Variants in SPHKAP observed in about 807,000 individuals in gnomAD.
SPHKAP encodes the protein A-kinase anchor protein SPHKAP.
In SPHKAP, 67 loss-of-function variants were observed where a neutral mutation model predicts 137.5. That is an observed-to-expected ratio of 0.49 (90% CI 0.40 to 0.60). The LOEUF (loss-of-function observed/expected upper bound fraction) is 0.60, where lower values mean the gene tolerates loss of function less well. Ranked by LOEUF, SPHKAP falls within the 20% of genes least tolerant of loss-of-function variation. The pLI is 0.00. For synonymous variants in SPHKAP, 813 were observed against 785.3 expected, an observed-to-expected ratio of 1.04 and a Z score of -0.59; for missense variants, 2,097 against 2,069.3, an observed-to-expected ratio of 1.01 and a Z score of -0.26.
chr2:228,021,866 C>T lies in SPHKAP; in HGVS notation c.542G>A (p.Gly181Asp). Reference sequence around the variant, plus strand: ...CTGTCGCTCCTGCACCAGTTCCAGACCAATCAGAAATTTGTTGATTTCAAA... The same window carrying T: ...CTGTCGCTCCTGCACCAGTTCCAGATCAATCAGAAATTTGTTGATTTCAAA... ...IIFEINKFLIGLELVQERQLH... is the reference protein window; with the variant it reads ...IIFEINKFLIDLELVQERQLH... The change falls in exon 6 of 12, where the codon GGT (glycine) becomes GAT (aspartate). Residue 181 changes from glycine to aspartate, a missense_variant. By Grantham distance (94) the Gly-to-Asp change is moderately conservative. Transcript: ENST00000392056. 2 of 1,614,126 alleles carry T rather than the reference C, an allele frequency of 1.2e-6. No homozygotes were observed. Among genetic ancestry groups the T allele is most frequent in the Non-Finnish European group, 1.7e-6 (2 of 1,180,000 alleles).
chr2:228,075,325 C>T (rs1697144477), intron 3 of SPHKAP, among the ~76,000 whole-genome samples: 2 of 152,090 alleles, frequency 1.3e-5, no homozygotes, highest in African/African-American at 4.8e-5. Flanking sequence ...TGTATATGCA[C>T]CTGCCCTTGT....
At chr2:228,064,497 G>A (rs1696761864) in intron 3 of SPHKAP, among the ~76,000 whole-genome samples, 1 of 152,120 alleles carries the variant, frequency 6.6e-6, no homozygotes, top group African/African-American at 2.4e-5. Flanking sequence ...TTTGTATTAT[G>A]TTAAGTATTT....
chr2:228,078,118 C>T (rs1481984026), intron 3 of SPHKAP, among the ~76,000 whole-genome samples: 1 of 152,152 alleles, frequency 6.6e-6, no homozygotes, highest in South Asian at 2.1e-4. Context: ...GTCCAATAAA[C>T]CCTTTTTCCT....
chr2:228,085,085 G>A (rs1697495700), intron 3 of SPHKAP, among the ~76,000 whole-genome samples: 1 of 152,156 alleles, frequency 6.6e-6, no homozygotes, highest in African/African-American at 2.4e-5. Context: ...ATACATAAAG[G>A]CAGAAAAATC....
At chr2:228,113,188 A>ATT (rs11409307) in intron 2 of SPHKAP, among the ~76,000 whole-genome samples, 4 of 151,990 alleles carry the variant, frequency 2.6e-5, no homozygotes, top group East Asian at 1.9e-4. Flanking sequence ...AATAAGATAT[A>ATT]TTTTTCCATA....
intron 1 of SPHKAP, chr2:228,169,694 CA>C (rs1198646600): frequency 1.3e-5 from 2 of 151,972 alleles, no homozygotes; most frequent in East Asian, 3.9e-4. Flanking sequence ...GCCCAAGGAT[CA>C]AGGAGTAATT....
At chr2:228,172,866 C>G (rs548796940) in intron 1 of SPHKAP, 1 of 178,262 alleles carries the variant, frequency 5.6e-6, no homozygotes, top group Admixed American at 6.5e-5. Context: ...AACACTTACA[C>G]TGGAAGAGAC....
At chr2:228,046,406 T>C (rs549256208) in intron 3 of SPHKAP, among the ~76,000 whole-genome samples, 75 of 151,484 alleles carry the variant, frequency 5.0e-4, no homozygotes, top group African/African-American at 1.7e-3. Context: ...CAATGACTTT[T>C]AGGAAAATGG....
At chr2:228,158,947 T>C (rs1031846796) in intron 1 of SPHKAP, among the ~76,000 whole-genome samples, 2 of 152,208 alleles carry the variant, frequency 1.3e-5, no homozygotes, top group Admixed American at 1.3e-4. Flanking sequence ...ATGTCTTGCA[T>C]TCCGTCCCCT....
At chr2:228,101,176 A>G (rs1698172475) in intron 3 of SPHKAP, among the ~76,000 whole-genome samples, 1 of 152,032 alleles carries the variant, frequency 6.6e-6, no homozygotes, top group Admixed American at 6.6e-5. Context: ...CATCATCCCC[A>G]CTTCCTAGCT....
Position 228,018,549 on chromosome 2 carries a change from A to G in SPHKAP, c.2305T>C (p.Ser769Pro). 6 of 1,613,950 alleles carry G rather than the reference A, an allele frequency of 3.7e-6. No homozygotes were observed. The highest frequency in any genetic ancestry group is 5.1e-6 in the Non-Finnish European group (6 of 1,179,890). Residue 769 changes from serine to proline, a missense_variant, in exon 7 of 12, where the codon TCC becomes CCC. Transcript: ENST00000392056. The part of the protein sequence containing the change: ...SQAWTKATES[S>P]SSSPLSNSHN... Reference sequence around the variant, plus strand: ...GAATTGCTAAGTGGAGAGCTGCTGGAGGATTCAGTGGCTTTTGTCCAAGCT... The same window carrying G: ...GAATTGCTAAGTGGAGAGCTGCTGGGGGATTCAGTGGCTTTTGTCCAAGCT...
intron 9 of SPHKAP, 88 bp downstream of exon 9, chr2:227,993,446 G>T (rs1693494890): frequency 1.6e-6 from 2 of 1,225,888 alleles, no homozygotes; most frequent in Non-Finnish European, 2.3e-6. Context: ...GAGGTCAGTG[G>T]TTGGGCACAA....
chr2:227,994,083 T>C (rs946974239), intron 8 of SPHKAP: 2 of 985,252 alleles, frequency 2.0e-6, no homozygotes, highest in African/African-American at 3.5e-5. Flanking sequence ...TGTTCTCCCT[T>C]TGACATTTGG....
rs1693853000 is a variant in SPHKAP, at chr2:228,001,273, ATATC to A, written c.4449-5583_4449-5580del. Among the ~76,000 whole-genome samples, 5 of 98,850 alleles carry A rather than the reference ATATC, an allele frequency of 5.1e-5. No homozygotes were observed. In the South Asian group the frequency reaches 1.7e-3, roughly 33 times the overall value. The allele number at this position is 98,850 out of a possible 152,430, so 64.8% of individuals were successfully genotyped here. A position where few individuals can be genotyped will look rare whatever the true frequency, so the allele number is the denominator to read the frequency against. ...TACACACACACACACATATATAAAT[ATATC>A]TATACATATATCTATACATATAAAT... On this transcript the variant is annotated intron_variant, in intron 7 of 11. Transcript: ENST00000392056.
intron 3 of SPHKAP, among the ~76,000 whole-genome samples, chr2:228,031,652 A>T (rs1254634141): frequency 1.3e-5 from 2 of 152,000 alleles, no homozygotes; most frequent in Non-Finnish European, 2.9e-5. Flanking sequence ...ACGGCCAGAT[A>T]CTCCTCTGAG....
intron 3 of SPHKAP, among the ~76,000 whole-genome samples, chr2:228,065,857 C>T (rs1696811431): frequency 6.6e-6 from 1 of 152,224 alleles, no homozygotes; most frequent in African/African-American, 2.4e-5. Flanking sequence ...ACTGAGCAAA[C>T]CAGCCCCAGG....
rs945300371 is a variant in SPHKAP at position 227,995,371 on chromosome 2, C to T, written c.4634+138G>A. ...CACAAATCATGACAGGCAGGCCCCT[C>T]GACATAGTGGGAACTTTCCTTTTTT... On this transcript the variant is annotated intron_variant, in intron 8 of 11. Transcript: ENST00000392056. 57 of 988,298 alleles carry T rather than the reference C, an allele frequency of 5.8e-5. 1 individual carries two copies. The South Asian group carries it at 6.0e-4, about 10-fold the overall frequency. The allele number at this position is 988,298 out of a possible 1,614,324, so 61.2% of individuals were successfully genotyped here.
At chr2:228,063,925 T>C (rs553082824) in intron 3 of SPHKAP, among the ~76,000 whole-genome samples, 7 of 152,314 alleles carry the variant, frequency 4.6e-5, no homozygotes, top group Non-Finnish European at 8.8e-5. Flanking sequence ...AGTGCTAATA[T>C]TAGTTACCCA....
chr2:228,092,724 G>A (rs1394697188), intron 3 of SPHKAP, among the ~76,000 whole-genome samples: 1 of 150,386 alleles, frequency 6.6e-6, no homozygotes, highest in African/African-American at 2.4e-5. Context: ...ACACTACTCA[G>A]CCATAAAAAG....
Sources: allele counts gnomAD v4.1 joint callset (sites outside exome capture counted in the v4.1 genomes callset), GRCh38; gene constraint gnomAD v4.1.1; transcripts MANE v1.5; gene names NCBI Gene and HGNC (gene_info 2026-07-23, HGNC 2026-07-21).